FYN: variants seen among roughly 807,000 people sequenced by gnomAD.
FYN encodes the protein tyrosine-protein kinase Fyn.
FYN carries 10 observed loss-of-function variants against 70.2 expected under a neutral mutation model. The observed-to-expected ratio is 0.14, with a 90% confidence interval of 0.09 to 0.24. The LOEUF (loss-of-function observed/expected upper bound fraction) is 0.24. Ranked by LOEUF, FYN falls within the 10% of genes least tolerant of loss-of-function variation. The probability of loss-of-function intolerance (pLI) is 1.00; values close to 1 mark genes in which losing one functional copy is unlikely to be tolerated. For synonymous variants in FYN, 236 were observed against 248.6 expected (o/e 0.95, Z 0.48); for missense variants, 319 against 673.1 (o/e 0.47, Z 5.82).
chr6:111,699,478 G>A (rs1438192451), intron 9 of FYN: 2 of 1,599,080 alleles, frequency 1.3e-6, no homozygotes, highest in South Asian at 1.1e-5. Flanking sequence ...AATCGGCTTT[G>A]AGATGCAGCC....
chr6:111,872,600 T>A (rs1774314279), intron 1 of FYN, among the ~76,000 whole-genome samples: 1 of 151,942 alleles, frequency 6.6e-6, no homozygotes, highest in Admixed American at 6.5e-5. Context: ...ACATCATCCC[T>A]GACATTAAAA....
rs2128438576 is a variant in FYN, at chr6:111,696,292, C to T, written c.1027G>A (p.Glu343Lys). 6.2e-7 allele frequency: 1 copy of T among 1,610,352 alleles called. No individual in the cohort carries two copies. Among genetic ancestry groups the T allele is most frequent in the Non-Finnish European group, 8.5e-7 (1 of 1,178,282 alleles). ...GTTGCCCAACCTTTGTTCATATACT[C>T]GGTGACGATGTAGATGGGCTCCTCA... ...VSEEPIYIVTEYMNKGSLLDF... is the reference protein window; with the variant it reads ...VSEEPIYIVTKYMNKGSLLDF... Residue 343 changes from glutamate (E) to lysine (K), a missense_variant, in exon 10 of 14, where the codon GAG becomes AAG. Coordinates refer to ENST00000354650, the MANE Select transcript of FYN (RefSeq NM_002037.5).
intron 3 of FYN, among the ~76,000 whole-genome samples, chr6:111,753,466 A>G (rs893063374): frequency 6.6e-6 from 1 of 152,200 alleles, no homozygotes; most frequent in Admixed American, 6.5e-5. Context: ...AAACTTGTCA[A>G]CATCTTAGAT....
intron 3 of FYN, among the ~76,000 whole-genome samples, chr6:111,737,102 G>A (rs944988941): frequency 6.6e-6 from 1 of 152,126 alleles, no homozygotes; most frequent in Non-Finnish European, 1.5e-5. Context: ...ATAATGGTGT[G>A]GACAGAGGAA....
chr6:111,793,061 C>T (rs62413692), intron 2 of FYN, among the ~76,000 whole-genome samples: 6,399 of 152,094 alleles, frequency 0.042, 188 homozygotes, highest in Non-Finnish European at 0.064. Context: ...CATCTCAGGG[C>T]GAACACGATG....
At chr6:111,683,881 A>C (rs1358656230) in intron 12 of FYN, among the ~76,000 whole-genome samples, 2 of 152,188 alleles carry the variant, frequency 1.3e-5, no homozygotes. Context: ...CAAAACAATG[A>C]TTTCAAACCC....
chr6:111,703,544 T>G (rs916358736), intron 7 of FYN, among the ~76,000 whole-genome samples: 3 of 152,220 alleles, frequency 2.0e-5, no homozygotes, highest in African/African-American at 7.2e-5. Flanking sequence ...CACTACTCTT[T>G]TCTTCCTTGA....
chr6:111,725,738 G>A (rs1279396500), intron 3 of FYN, among the ~76,000 whole-genome samples: 2 of 152,224 alleles, frequency 1.3e-5, no homozygotes, highest in Non-Finnish European at 2.9e-5. Context: ...TGGAGGGAGT[G>A]AAAATATGTG....
chr6:111,669,529 C>T (rs1380860376), intron 13 of FYN, among the ~76,000 whole-genome samples: 1 of 150,696 alleles, frequency 6.6e-6, no homozygotes, highest in African/African-American at 2.4e-5. Flanking sequence ...AGCCAGGGCA[C>T]AGAATAGCCA....
At chr6:111,838,987 C>T (rs1212857556) in intron 2 of FYN, among the ~76,000 whole-genome samples, 1 of 152,210 alleles carries the variant, frequency 6.6e-6, no homozygotes, top group Admixed American at 6.5e-5. Context: ...GCTCAAGTAT[C>T]TGTCTTGGGG....
intron 7 of FYN, among the ~76,000 whole-genome samples, chr6:111,703,610 T>C (rs1051327864): frequency 1.3e-5 from 2 of 152,160 alleles, no homozygotes; most frequent in Admixed American, 1.3e-4. Flanking sequence ...GTCCAACAGT[T>C]GGAGGAAGAG....
In FYN at chr6:111,694,799, G is replaced by C; in HGVS notation, c.1043-95C>G. On this transcript the variant is annotated intron_variant, in intron 10 of 13. Transcript: ENST00000354650. This position sits in a 1 kb window ranked among gnomAD's most constrained non-coding sequence, Gnocchi z 5.0. ...TTTTCTTATTAAAAGTAATAAGGTA[G>C]TCAAATGGAATAATGCCATCCACAT... 1 of 1,095,546 alleles carries C rather than the reference G, an allele frequency of 9.1e-7. No homozygotes were observed. The highest frequency in any genetic ancestry group is 1.3e-6 in the Non-Finnish European group (1 of 752,556). The allele number at this position is 1,095,546 out of a possible 1,614,324, so 67.9% of individuals were successfully genotyped here.
At chr6:111,720,112 C>T in intron 3 of FYN, 50 bp from the exon 4 acceptor site, 2 of 1,539,670 alleles carry the variant, frequency 1.3e-6, no homozygotes, top group Non-Finnish European at 1.8e-6. Flanking sequence ...TCCCTAGTTG[C>T]TGGGTTGCTC....
At chr6:111,745,330 C>A (rs1363851018) in intron 3 of FYN, among the ~76,000 whole-genome samples, 1 of 152,196 alleles carries the variant, frequency 6.6e-6, no homozygotes, top group African/African-American at 2.4e-5. Context: ...GAAACACATA[C>A]AGTGTTCTTG....
At chr6:111,777,657 A>AT (rs1203609480) in intron 3 of FYN, among the ~76,000 whole-genome samples, 2 of 152,200 alleles carry the variant, frequency 1.3e-5, no homozygotes, top group African/African-American at 4.8e-5. Context: ...CCCAGTTGAA[A>AT]ACCACTGCTC....
intron 3 of FYN, among the ~76,000 whole-genome samples, chr6:111,754,999 T>C (rs547133481): frequency 1.3e-5 from 2 of 150,344 alleles, no homozygotes; most frequent in African/African-American, 4.9e-5. Context: ...AACGGATGGG[T>C]TGTATATGGC....
chr6:111,863,943 G>T (rs1774033783), intron 1 of FYN, among the ~76,000 whole-genome samples: 1 of 152,120 alleles, frequency 6.6e-6, no homozygotes, highest in Admixed American at 6.5e-5. Flanking sequence ...TTCCAGAGCT[G>T]CCTGCTGACT....
chr6:111,711,044 GCCC>G (rs1169334264), intron 5 of FYN, among the ~76,000 whole-genome samples: 1 of 152,014 alleles, frequency 6.6e-6, no homozygotes, highest in Non-Finnish European at 1.5e-5. Context: ...AAGATTCTGT[GCCC>G]CCACCACACC....
At chr6:111,805,645 T>G (rs1004599957) in intron 2 of FYN, among the ~76,000 whole-genome samples, 3 of 152,122 alleles carry the variant, frequency 2.0e-5, no homozygotes, top group African/African-American at 4.8e-5. Context: ...CCCTTCTTCC[T>G]GAGGCACCTG....
Sources: allele counts gnomAD v4.1 joint callset (sites outside exome capture counted in the v4.1 genomes callset), GRCh38; gene constraint gnomAD v4.1.1; non-coding constraint Gnocchi (gnomAD v3.1); transcripts MANE v1.5; gene names NCBI Gene and HGNC (gene_info 2026-07-23, HGNC 2026-07-21).